Variants in CNTN5 observed in about 807,000 individuals in gnomAD.
The protein encoded by CNTN5 is contactin 5.
In CNTN5, 77 loss-of-function variants were observed where a neutral mutation model predicts 129.1. The ratio of observed to expected loss-of-function variants is 0.60; its 90% CI spans 0.50 to 0.72. The LOEUF is 0.72. Among genes scored for constraint, CNTN5 ranks in the 30% least tolerant of loss-of-function variants. CNTN5 has a pLI of 0.00. For missense variants in CNTN5, 1,478 were observed against 1,328.8 expected (o/e 1.11, Z -1.75); for synonymous variants, 509 against 465.6 (o/e 1.09, Z -1.20).
intron 13 of CNTN5, among the ~76,000 whole-genome samples, chr11:100,187,572 G>A (rs1019643803): frequency 1.3e-5 from 2 of 152,074 alleles, no homozygotes; most frequent in South Asian, 4.1e-4. Flanking sequence ...AACTAAAACA[G>A]CATGGTACTA....
At chr11:99,665,040 G>C (rs1253624322) in intron 3 of CNTN5, among the ~76,000 whole-genome samples, 1 of 151,952 alleles carries the variant, frequency 6.6e-6, no homozygotes, top group East Asian at 1.9e-4. Context: ...ATTATGTTTA[G>C]AAAATAAACC....
intron 8 of CNTN5, among the ~76,000 whole-genome samples, chr11:99,986,883 G>T (rs191617724): frequency 6.6e-6 from 1 of 152,204 alleles, no homozygotes; most frequent in East Asian, 1.9e-4. Context: ...AAAAATAAGG[G>T]AATGAAAAAG....
At chr11:99,626,326 G>A (rs1951131228) in intron 3 of CNTN5, among the ~76,000 whole-genome samples, 1 of 149,016 alleles carries the variant, frequency 6.7e-6, no homozygotes, top group African/African-American at 2.5e-5. Context: ...TAAGAAAGTT[G>A]GAACATGAGA....
rs1210836183 is a variant in CNTN5, at chr11:100,340,621, T to C, written c.2889T>C (p.Ser963=). Residue 963 remains serine, a synonymous_variant, in exon 22 of 25, where the codon AGT becomes AGC. Transcript: ENST00000524871. Reference sequence around the variant, plus strand: ...GAGCTGGATATGGGCCACCTAGCAGTGAAGTGAGTGCAACCACCAAGAAAT... The same window carrying C: ...GAGCTGGATATGGGCCACCTAGCAGCGAAGTGAGTGCAACCACCAAGAAAT... ...YNGAGYGPPS[S]EVSATTKKSP... The C allele has an allele frequency of 6.2e-7, 1 of 1,607,550 alleles. No homozygotes were observed. Among genetic ancestry groups the C allele is most frequent in the Admixed American group, 1.7e-5 (1 of 58,502 alleles).
intron 3 of CNTN5, among the ~76,000 whole-genome samples, chr11:99,649,019 A>G (rs1284388191): frequency 6.6e-6 from 1 of 151,732 alleles, no homozygotes; most frequent in African/African-American, 2.4e-5. Flanking sequence ...ATAGTCAAGA[A>G]AATACCAAAT....
In CNTN5 at chr11:100,053,533, TACTACAAAAATG is replaced by T. The variant is rs1249584790; in HGVS notation, c.981-7674_981-7663del. ...AAACCACACTTTAGTATCACTACAGTACTACAAAAATGACTAAAATTAAATGATTGACAATAC... is the reference window on the plus strand; with the variant it reads ...AAACCACACTTTAGTATCACTACAGTACTAAAATTAAATGATTGACAATAC... On this transcript the variant is annotated intron_variant, in intron 9 of 24. Transcript: ENST00000524871. Among the ~76,000 whole-genome samples the T allele has an allele frequency of 1.1e-4, 17 of 151,832 alleles. No homozygotes were observed. The East Asian group carries it at 3.1e-3, about 28-fold the overall frequency.
intron 1 of CNTN5, among the ~76,000 whole-genome samples, chr11:99,252,600 C>T (rs561185255): frequency 9.9e-5 from 15 of 151,726 alleles, no homozygotes; most frequent in South Asian, 4.2e-4. Context: ...ATCTCACAAA[C>T]GCTTGATATT....
intron 1 of CNTN5, among the ~76,000 whole-genome samples, chr11:99,152,454 G>A (rs1477814723): frequency 6.6e-6 from 1 of 151,980 alleles, no homozygotes; most frequent in Non-Finnish European, 1.5e-5. Context: ...GTCTGAAATT[G>A]GAATAGCAAC....
intron 1 of CNTN5, among the ~76,000 whole-genome samples, chr11:99,178,226 A>T (rs1478510534): frequency 1.3e-5 from 2 of 148,630 alleles, no homozygotes; most frequent in Non-Finnish European, 3.0e-5. Flanking sequence ...CATACCTGTG[A>T]TCCTAGCACA....
chr11:99,416,165 C>T (rs780522348), intron 2 of CNTN5, among the ~76,000 whole-genome samples: 3 of 152,114 alleles, frequency 2.0e-5, no homozygotes, highest in Non-Finnish European at 2.9e-5. Flanking sequence ...GTTTTATTTA[C>T]TTATTTATTG....
chr11:100,113,344 GA>G (rs1340805460), intron 13 of CNTN5, among the ~76,000 whole-genome samples: 1 of 124,860 alleles, frequency 8.0e-6, no homozygotes, highest in Non-Finnish European at 1.6e-5. Context: ...CATGTAACCT[GA>G]AACTAAAGTT....
At chr11:99,374,811 G>T (rs1263362689) in intron 2 of CNTN5, among the ~76,000 whole-genome samples, 2 of 147,972 alleles carry the variant, frequency 1.4e-5, no homozygotes, top group African/African-American at 4.8e-5. Flanking sequence ...GTAAATATTG[G>T]TGCCACCAAA....
At chr11:99,143,757 C>G (rs998356076) in intron 1 of CNTN5, among the ~76,000 whole-genome samples, 1 of 152,136 alleles carries the variant, frequency 6.6e-6, no homozygotes, top group Non-Finnish European at 1.5e-5. Flanking sequence ...CCATTCCAGG[C>G]CCTTCCATTC....
At chr11:99,724,108 T>C (rs1242009083) in intron 3 of CNTN5, among the ~76,000 whole-genome samples, 2 of 152,162 alleles carry the variant, frequency 1.3e-5, no homozygotes, top group Non-Finnish European at 2.9e-5. Context: ...TTTCAGCATG[T>C]CCCTAGCTGG....
At chr11:99,808,749 C>A (rs73552087) in intron 3 of CNTN5, among the ~76,000 whole-genome samples, 1,852 of 152,204 alleles carry the variant, frequency 0.012, 44 homozygotes, top group African/African-American at 0.043. Flanking sequence ...ATTCAAATTT[C>A]ACCTCTACTG....
intron 2 of CNTN5, among the ~76,000 whole-genome samples, chr11:99,336,322 G>A (rs1327822291): frequency 6.6e-6 from 1 of 152,248 alleles, no homozygotes; most frequent in South Asian, 2.1e-4. Context: ...GAATGGCATG[G>A]CCTCAAACGG....
Position 100,271,229 on chromosome 11 carries a change from A to T in CNTN5, c.2302A>T (p.Thr768Ser). Reference protein sequence around the residue: ...DPSTPSRMIRTNEAVPKTAPT... With the variant: ...DPSTPSRMIRSNEAVPKTAPT... Reference sequence around the variant, plus strand: ...AAGCACCCCATCTCGAATGATCCGCACAAATGAAGCAGGTAAAAATTTGGA... The same window carrying T: ...AAGCACCCCATCTCGAATGATCCGCTCAAATGAAGCAGGTAAAAATTTGGA... Residue 768 changes from threonine (T) to serine (S), a missense_variant, in exon 18 of 25, where the codon ACA becomes TCA. Physicochemically the swap from Thr to Ser is moderately conservative, Grantham distance 58. Coordinates refer to ENST00000524871, the MANE Select transcript of CNTN5 (RefSeq NM_014361.4). 1 of 1,600,894 alleles carries T rather than the reference A, an allele frequency of 6.2e-7. No individual in the cohort carries two copies. The highest frequency in any genetic ancestry group is 8.5e-7 in the Non-Finnish European group (1 of 1,175,854).
intron 1 of CNTN5, among the ~76,000 whole-genome samples, chr11:99,156,585 C>G (rs1860345163): frequency 1.3e-5 from 2 of 151,838 alleles, no homozygotes; most frequent in South Asian, 2.1e-4. Flanking sequence ...GTGCTTATAC[C>G]TAAGACAAAA....
chr11:99,690,277 C>T (rs1953985627), intron 3 of CNTN5, among the ~76,000 whole-genome samples: 1 of 152,156 alleles, frequency 6.6e-6, no homozygotes, highest in Non-Finnish European at 1.5e-5. Flanking sequence ...TATTCTGTTC[C>T]ATTGGTCTAT....
Sources: allele counts gnomAD v4.1 joint callset (sites outside exome capture counted in the v4.1 genomes callset), GRCh38; gene constraint gnomAD v4.1.1; transcripts MANE v1.5; gene names NCBI Gene and HGNC (gene_info 2026-07-23, HGNC 2026-07-21).